The following SAMMSON variants were observed in gnomAD, a reference collection of about 807,000 sequenced individuals.
The protein encoded by SAMMSON is long intergenic non-protein coding RNA 1212.
intron 3 of SAMMSON, among the ~76,000 whole-genome samples, chr3:70,028,570 GA>G (rs924761070): frequency 1.3e-5 from 2 of 151,842 alleles, no homozygotes; most frequent in East Asian, 1.9e-4. Context: ...GCATTAGTTG[GA>G]AAAAAATCCC....
chr3:70,281,335 T>G (rs1001263135), intron 6 of SAMMSON, among the ~76,000 whole-genome samples: 9 of 152,134 alleles, frequency 5.9e-5, no homozygotes, highest in Non-Finnish European at 1.2e-4. Flanking sequence ...ATCTTATCCA[T>G]TCTCTCTCAA....
intron 8 of SAMMSON, among the ~76,000 whole-genome samples, chr3:70,354,434 G>A (rs1262671038): frequency 6.6e-6 from 1 of 152,190 alleles, no homozygotes; most frequent in Non-Finnish European, 1.5e-5. Context: ...ACTGGAAATA[G>A]TTTAAAGATA....
intron 2 of SAMMSON, among the ~76,000 whole-genome samples, chr3:70,409,554 GCT>G (rs1701202235): frequency 6.6e-6 from 1 of 151,892 alleles, no homozygotes; most frequent in African/African-American, 2.4e-5. Context: ...TGCAACACTG[GCT>G]CCAAGTAATT....
At chr3:70,386,555 C>T (rs1037065572) in intron 9 of SAMMSON, among the ~76,000 whole-genome samples, 12 of 152,208 alleles carry the variant, frequency 7.9e-5, no homozygotes, top group Non-Finnish European at 1.2e-4. Flanking sequence ...ACTAGAGTTA[C>T]TGCAGGGATT....
chr3:70,012,846 AAGTT>A (rs896061565), intron 2 of SAMMSON, among the ~76,000 whole-genome samples: 13 of 152,214 alleles, frequency 8.5e-5, no homozygotes, highest in Admixed American at 3.9e-4. Context: ...TGTCAATGGG[AAGTT>A]CTCGTACATA....
At chr3:70,032,678 A>C (rs1239399406) in intron 3 of SAMMSON, among the ~76,000 whole-genome samples, 1 of 152,202 alleles carries the variant, frequency 6.6e-6, no homozygotes, top group Non-Finnish European at 1.5e-5. Flanking sequence ...GATAAGTTTT[A>C]TGGATTGATT....
At chr3:70,038,145 ACT>A (rs1447771341) in intron 3 of SAMMSON, among the ~76,000 whole-genome samples, 2 of 152,110 alleles carry the variant, frequency 1.3e-5, no homozygotes, top group Non-Finnish European at 2.9e-5. Context: ...CCCAACCACA[ACT>A]CATGTTGAAA....
intron 2 of SAMMSON, among the ~76,000 whole-genome samples, chr3:70,400,241 A>C (rs1701129247): frequency 6.6e-6 from 1 of 152,186 alleles, no homozygotes; most frequent in African/African-American, 2.4e-5. Flanking sequence ...TGTCCCCAAC[A>C]AAATTGATGT....
chr3:70,079,492 T>C (rs2067260307), intron 4 of SAMMSON, among the ~76,000 whole-genome samples: 3 of 152,184 alleles, frequency 2.0e-5, no homozygotes, highest in Admixed American at 2.0e-4. Flanking sequence ...ATGCATTCAG[T>C]AGAAGCTGTG....
intron 4 of SAMMSON, among the ~76,000 whole-genome samples, chr3:70,198,269 A>T (rs1701200899): frequency 6.6e-6 from 1 of 152,128 alleles, no homozygotes; most frequent in Admixed American, 6.6e-5. Flanking sequence ...TTTCATAAGG[A>T]TCTGTATTTT....
intron 7 of SAMMSON, among the ~76,000 whole-genome samples, chr3:70,321,069 A>G (rs1167050485): frequency 6.6e-6 from 1 of 152,020 alleles, no homozygotes; most frequent in East Asian, 1.9e-4. Context: ...GTGATTTTTG[A>G]TTTTGCAACT....
chr3:70,385,582 C>T (rs1035519790), intron 9 of SAMMSON, among the ~76,000 whole-genome samples: 3 of 152,002 alleles, frequency 2.0e-5, no homozygotes, highest in African/African-American at 7.2e-5. Context: ...CTTGAGTTGT[C>T]ATGGTGTATA....
intron 7 of SAMMSON, among the ~76,000 whole-genome samples, chr3:70,322,289 CAATAT>C (rs1056164087): frequency 2.6e-5 from 4 of 152,070 alleles, no homozygotes; most frequent in Non-Finnish European, 4.4e-5. Flanking sequence ...TTAACCAATA[CAATAT>C]GTCAGTTAAA....
intron 4 of SAMMSON, among the ~76,000 whole-genome samples, chr3:70,122,376 T>C (rs554614232): frequency 6.6e-6 from 1 of 152,176 alleles, no homozygotes; most frequent in South Asian, 2.1e-4. Context: ...ATATTTTCTT[T>C]GTGTGTGTGG....
intron 3 of SAMMSON, among the ~76,000 whole-genome samples, chr3:70,029,802 T>A (rs9810485): frequency 0.038 from 5,792 of 151,968 alleles, 332 homozygotes; most frequent in African/African-American, 0.12. Flanking sequence ...TAGCTGCTTA[T>A]TGAATTAGGT....
intron 6 of SAMMSON, among the ~76,000 whole-genome samples, chr3:70,273,546 C>T (rs969505556): frequency 6.6e-6 from 1 of 151,954 alleles, no homozygotes; most frequent in Non-Finnish European, 1.5e-5. Context: ...AAAGGTCAAG[C>T]CTAGTGAAAC....
intron 7 of SAMMSON, among the ~76,000 whole-genome samples, chr3:70,319,659 T>C (rs1702522430): frequency 6.6e-6 from 1 of 152,096 alleles, no homozygotes. Flanking sequence ...TTTTTTATGA[T>C]AAGTACCAAA....
intron 7 of SAMMSON, among the ~76,000 whole-genome samples, chr3:70,331,094 T>G (rs981242234): frequency 4.6e-5 from 7 of 152,354 alleles, no homozygotes; most frequent in Admixed American, 4.6e-4. Flanking sequence ...TTTTCTCTTC[T>G]TAGACAAAAC....
intron 2 of SAMMSON, among the ~76,000 whole-genome samples, chr3:70,422,132 A>G (rs535521416): frequency 4.6e-5 from 7 of 152,148 alleles, no homozygotes; most frequent in African/African-American, 1.4e-4. Flanking sequence ...AAAAAAAATC[A>G]GAGGCACTTT....
Sources: gnomAD v4.1 joint callset for allele counts (sites outside exome capture counted in the v4.1 genomes callset) on GRCh38, gnomAD v4.1.1 for gene constraint, MANE v1.5 for transcripts, NCBI Gene and HGNC (gene_info 2026-07-23, HGNC 2026-07-21) for gene names.